The following TTC3 variants were observed in gnomAD, a reference collection of about 807,000 sequenced individuals.
The protein encoded by TTC3 is tetratricopeptide repeat domain 3.
A neutral mutation model predicts 249.6 loss-of-function variants in TTC3; 180 were observed. That is an observed-to-expected ratio of 0.72 (90% CI 0.64 to 0.82). The LOEUF is 0.82. Ranked by LOEUF, TTC3 falls within the 40% of genes least tolerant of loss-of-function variation. TTC3 has a pLI of 0.00. For synonymous variants in TTC3, 717 were observed against 805.0 expected, an observed-to-expected ratio of 0.89 and a Z score of 1.85; for missense variants, 2,061 against 2,398.4, an observed-to-expected ratio of 0.86 and a Z score of 2.94.
intron 26 of TTC3, among the ~76,000 whole-genome samples, chr21:37,152,719 G>A (rs2835633): frequency 0.58 from 87,946 of 151,994 alleles, 26,129 homozygotes; most frequent in African/African-American, 0.7. Context: ...GAATGGTTCA[G>A]AATGAAGGGT....
chr21:37,183,513 GT>G (rs1280512391), intron 36 of TTC3, among the ~76,000 whole-genome samples: 1 of 152,116 alleles, frequency 6.6e-6, no homozygotes, highest in Non-Finnish European at 1.5e-5. Flanking sequence ...CCAAAAGTCA[GT>G]TTCTTTATTA....
chr21:37,193,385 T>C (rs529473494), intron 41 of TTC3, among the ~76,000 whole-genome samples: 1 of 151,900 alleles, frequency 6.6e-6, no homozygotes, highest in Admixed American at 6.6e-5. Context: ...AAATTAAGTG[T>C]GGAAAAAGTG....
At chr21:37,096,268 A>G (rs978738663) in intron 9 of TTC3, among the ~76,000 whole-genome samples, 1 of 152,232 alleles carries the variant, frequency 6.6e-6, no homozygotes, top group Non-Finnish European at 1.5e-5. Context: ...CCTATCCTCT[A>G]GAGTTACTCT....
At chr21:37,108,551 G>T in intron 11 of TTC3, 105 bp downstream of exon 11, 1 of 1,098,376 alleles carries the variant, frequency 9.1e-7, no homozygotes, top group Non-Finnish European at 1.3e-6. Flanking sequence ...ATGAAATTAC[G>T]TAGAGCTCCA....
chr21:37,188,267 C>T (rs1029790825), intron 38 of TTC3: 13 of 421,864 alleles, frequency 3.1e-5, no homozygotes, highest in Non-Finnish European at 5.7e-5. Context: ...TTATTCATAT[C>T]TGCAAAAAGG....
At chr21:37,123,869 C>T (rs1200363761) in intron 13 of TTC3, among the ~76,000 whole-genome samples, 2 of 151,800 alleles carry the variant, frequency 1.3e-5, no homozygotes, top group East Asian at 1.9e-4. Flanking sequence ...CTGCCTCAGC[C>T]TCTTGAGTAG....
At chr21:37,141,419 C>CCAA (rs386394708) in intron 20 of TTC3, among the ~76,000 whole-genome samples, 2 of 151,810 alleles carry the variant, frequency 1.3e-5, no homozygotes, top group African/African-American at 4.8e-5. Context: ...GAATCCCCCC[C>CCAA]CCAGCCATCT....
chr21:37,168,775 T>C (rs1162355298), intron 34 of TTC3, among the ~76,000 whole-genome samples: 1 of 152,050 alleles, frequency 6.6e-6, no homozygotes, highest in Non-Finnish European at 1.5e-5. Flanking sequence ...TTGTGAAATC[T>C]CACAATTTCG....
At chr21:37,102,694 GT>G (rs1331911367) in intron 10 of TTC3, among the ~76,000 whole-genome samples, 1 of 152,206 alleles carries the variant, frequency 6.6e-6, no homozygotes, top group Non-Finnish European at 1.5e-5. Context: ...GGAATCTGGT[GT>G]TTTAGATTCC....
In TTC3 at chr21:37,168,321, T is replaced by C. The variant is rs954900428; in HGVS notation, c.4467+701T>C. The stretch of plus-strand genomic sequence containing the variant: ...AAGCAGATATGAGAAAGAAAGAAGA[T>C]AGAAAAGAGGAGATGTGAGTATCAT... On this transcript the variant is annotated intron_variant, in intron 34 of 45. Transcript: ENST00000355666. 2.0e-5 allele frequency among the ~76,000 whole-genome samples: 3 copies of C among 152,008 alleles called. 1 individual carries two copies. Among genetic ancestry groups the C allele is most frequent in the Non-Finnish European group, 4.4e-5 (3 of 67,984 alleles).
chr21:37,199,077 T>A (rs1489032067), intron 44 of TTC3, among the ~76,000 whole-genome samples: 1 of 152,164 alleles, frequency 6.6e-6, no homozygotes, highest in East Asian at 1.9e-4. Context: ...TGGAGGGGCA[T>A]GAACCCTCCT....
intron 11 of TTC3, among the ~76,000 whole-genome samples, chr21:37,111,282 C>G (rs150840560): frequency 1.3e-5 from 2 of 152,066 alleles, no homozygotes; most frequent in African/African-American, 4.8e-5. Context: ...GAGTCAAGAC[C>G]GATCAGTGTG....
At chr21:37,134,041 C>T (rs1234215820) in intron 17 of TTC3, among the ~76,000 whole-genome samples, 1 of 152,128 alleles carries the variant, frequency 6.6e-6, no homozygotes, top group Non-Finnish European at 1.5e-5. Flanking sequence ...TTTATAACTT[C>T]AAGTTCATAT....
In TTC3 at chr21:37,095,334, C is replaced by T; in HGVS notation, c.688-16C>T. On this transcript the variant is annotated splice_polypyrimidine_tract_variant and intron_variant, in intron 8 of 45. Transcript: ENST00000355666. The stretch of plus-strand genomic sequence containing the variant: ...TGGAGGTCATTGATGGGTCTTCTTT[C>T]ACCTTGGTTTCTCAGGAAGGAGAAC... The T allele has an allele frequency of 1.2e-5, 19 of 1,571,854 alleles. No individual in the cohort carries two copies. The highest frequency in any genetic ancestry group is 1.6e-5 in the Non-Finnish European group (18 of 1,155,366).
At chr21:37,093,488 C>CA (rs2073563460) in intron 7 of TTC3, 1 of 151,476 alleles carries the variant, frequency 6.6e-6, no homozygotes, top group Admixed American at 6.6e-5. Context: ...CAAAATTATC[C>CA]AAAATCCAAA....
At chr21:37,166,027 C>T in exon 33 of TTC3, 1 of 1,614,182 alleles carries the variant, frequency 6.2e-7, no homozygotes, top group Non-Finnish European at 8.5e-7. Context: ...ATGGGCAACC[C>T]AAAGGGGTCT....
At chr21:37,120,576 T>C (rs568832334) in intron 11 of TTC3, among the ~76,000 whole-genome samples, 14 of 152,310 alleles carry the variant, frequency 9.2e-5, no homozygotes, top group African/African-American at 3.4e-4. Flanking sequence ...GATGCCTTTG[T>C]CTTCTTATAC....
intron 8 of TTC3, among the ~76,000 whole-genome samples, chr21:37,094,601 T>C (rs557111189): frequency 1.1e-3 from 174 of 152,334 alleles, no homozygotes; most frequent in Non-Finnish European, 1.7e-3. Flanking sequence ...CTCTATGTTA[T>C]TGATTTATAT....
intron 28 of TTC3, chr21:37,158,315 A>G: frequency 1.7e-6 from 1 of 595,462 alleles, no homozygotes; most frequent in Non-Finnish European, 2.1e-6. Context: ...CTCGTCCTTT[A>G]ACTTGTGTTC....
Sources: gnomAD v4.1 joint callset for allele counts (sites outside exome capture counted in the v4.1 genomes callset) on GRCh38, gnomAD v4.1.1 for gene constraint, MANE v1.5 for transcripts, NCBI Gene and HGNC (gene_info 2026-07-23, HGNC 2026-07-21) for gene names.